NTRK1: variants seen among roughly 807,000 people sequenced by gnomAD.
The protein encoded by NTRK1 is high affinity nerve growth factor receptor.
In NTRK1, 62 loss-of-function variants were observed where a neutral mutation model predicts 86.8. That is an observed-to-expected ratio of 0.71 (90% CI 0.58 to 0.88). The LOEUF (loss-of-function observed/expected upper bound fraction) is 0.88. Among genes scored for constraint, NTRK1 ranks in the 40% least tolerant of loss-of-function variants. The pLI is 0.00. For synonymous variants in NTRK1, 469 were observed against 456.6 expected (o/e 1.03, Z -0.35); for missense variants, 967 against 1,078.4 (o/e 0.90, Z 1.45).
At position 156,860,917 on chromosome 1, in the gene NTRK1, G is replaced by C. The variant is rs537412353; in HGVS notation, c.-18G>C. The C allele has an allele frequency of 1.4e-6, 2 of 1,430,164 alleles. No individual in the cohort carries two copies. Among genetic ancestry groups the C allele is most frequent in the South Asian group, 3.0e-5 (2 of 66,156 alleles). The allele number at this position is 1,430,164 out of a possible 1,614,324, so 88.6% of individuals were successfully genotyped here. On this transcript the variant is annotated 5_prime_UTR_variant, in exon 1 of 17. Transcript: ENST00000524377. ...GCACAGACGGCTGCCCCGCCTGAGCGAGGCGGGCGCCGCCGCGATGCTGCG... is the reference window on the plus strand; with the variant it reads ...GCACAGACGGCTGCCCCGCCTGAGCCAGGCGGGCGCCGCCGCGATGCTGCG...
At chr1:156,867,018 G>A (rs914439757) in intron 4 of NTRK1, 40 bp downstream of exon 4, 1 of 1,592,080 alleles carries the variant, frequency 6.3e-7, no homozygotes. Flanking sequence ...CACCAAGTGT[G>A]TGTGTGCCTG....
chr1:156,836,217 AGTCCCCCT>A (rs1654595734), intron 1 of NTRK1, among the ~76,000 whole-genome samples: 1 of 152,152 alleles, frequency 6.6e-6, no homozygotes, highest in African/African-American at 2.4e-5. Flanking sequence ...CTGAGCAGAA[AGTCCCCCT>A]GTTGTTCACA....
At chr1:156,855,547 G>A (rs922048274) in intron 2 of NTRK1, among the ~76,000 whole-genome samples, 1 of 152,124 alleles carries the variant, frequency 6.6e-6, no homozygotes, top group South Asian at 2.1e-4. Context: ...CACTGGCTGG[G>A]TGCAGTGGCT....
At chr1:156,817,753 G>C (rs565311188) in intron 1 of NTRK1, among the ~76,000 whole-genome samples, 6 of 148,962 alleles carry the variant, frequency 4.0e-5, no homozygotes, top group Middle Eastern at 3.6e-3. Context: ...AGGGATTCTT[G>C]TGCCTCAGCC....
chr1:156,845,820 G>A (rs752068023), intron 2 of NTRK1: 1 of 1,611,362 alleles, frequency 6.2e-7, no homozygotes, highest in South Asian at 1.1e-5. Flanking sequence ...CAAGCCTGGC[G>A]CCGCAGCGGG....
Position 156,880,122 on chromosome 1 carries a change from G to A in NTRK1, c.2170G>A (p.Gly724Ser), listed in dbSNP as rs763122825. ...GGTGCTCTGGGAGATCTTCACCTAC[G>A]GCAAGCAGCCCTGGTACCAGCTCTC... ...GVVLWEIFTY[G>S]KQPWYQLSNT... Residue 724 changes from glycine to serine, a missense_variant, in exon 16 of 17, where the codon GGC (glycine) becomes AGC (serine). Gly to Ser is a moderately conservative substitution (Grantham distance 56). This residue lies in a region of NTRK1 where 637 missense variants were observed against 776.5 expected (regional missense o/e 0.82). Transcript: ENST00000524377. The A allele has an allele frequency of 3.1e-6, 5 of 1,612,850 alleles. No homozygotes were observed. The highest frequency in any genetic ancestry group is 4.5e-5 in the East Asian group (2 of 44,782).
chr1:156,846,713 C>T, intron 2 of NTRK1: 1 of 1,614,078 alleles, frequency 6.2e-7, no homozygotes, highest in Non-Finnish European at 8.5e-7. Context: ...GCTCTGGGTT[C>T]CACAAGCATC....
At chr1:156,847,555 C>A (rs1655054207) in intron 2 of NTRK1, among the ~76,000 whole-genome samples, 1 of 152,082 alleles carries the variant, frequency 6.6e-6, no homozygotes. Flanking sequence ...TCATGCTGAG[C>A]CAGGGACAAA....
intron 1 of NTRK1, chr1:156,840,720 C>G: frequency 1.5e-6 from 1 of 655,490 alleles, no homozygotes. Flanking sequence ...CTCTGCCCAC[C>G]CCCACAGCCT....
At chr1:156,857,133 C>T (rs1282973035), upstream of NTRK1, among the ~76,000 whole-genome samples, 1 of 149,216 alleles carries the variant, frequency 6.7e-6, no homozygotes, top group African/African-American at 2.5e-5. Context: ...CATTAATGGT[C>T]CTGAGCTTGG....
At chr1:156,878,989 C>T in intron 14 of NTRK1, 133 bp from the exon 15 acceptor site, 1 of 1,047,982 alleles carries the variant, frequency 9.5e-7, no homozygotes, top group Middle Eastern at 3.1e-4. Context: ...GCTGCCTCTA[C>T]TGTTCTCTCA....
chr1:156,876,381 C>T lies in NTRK1; in HGVS notation c.1633-19C>T, dbSNP rs756906899. 4 of 1,613,462 alleles carry T rather than the reference C, an allele frequency of 2.5e-6. No individual in the cohort carries two copies. The highest frequency in any genetic ancestry group is 4.5e-5 in the East Asian group (2 of 44,880). On this transcript the variant is annotated intron_variant, in intron 13 of 16. Coordinates refer to ENST00000524377, the MANE Select transcript of NTRK1 (RefSeq NM_002529.4). Reference sequence around the variant, plus strand: ...GGCTCGGCCCCCAACTCAGTCCTGTCCCTGCCGCTTCCATCCAGGCACTGA... The same window carrying T: ...GGCTCGGCCCCCAACTCAGTCCTGTTCCTGCCGCTTCCATCCAGGCACTGA...
At chr1:156,861,777 C>T (rs1655663588) in intron 1 of NTRK1, among the ~76,000 whole-genome samples, 1 of 152,186 alleles carries the variant, frequency 6.6e-6, no homozygotes, top group African/African-American at 2.4e-5. Flanking sequence ...ATCTCCCTCT[C>T]CAACCTTGTC....
chr1:156,853,781 C>A (rs772792247), intron 2 of NTRK1: 67 of 1,607,790 alleles, frequency 4.2e-5, no homozygotes, highest in Non-Finnish European at 5.4e-5. Flanking sequence ...GGTCCAGCAT[C>A]TGTAGTCAGT....
intron 2 of NTRK1, chr1:156,844,996 G>A (rs762338844): frequency 9.3e-5 from 142 of 1,528,150 alleles, no homozygotes; most frequent in Non-Finnish European, 1.2e-4. Flanking sequence ...TGGGGTTAGC[G>A]AGAAGTCAAA....
At chr1:156,874,183 C>A (rs2102907756) in intron 8 of NTRK1, 200 bp from the exon 9 acceptor site, 1 of 934,822 alleles carries the variant, frequency 1.1e-6, no homozygotes, top group Non-Finnish European at 1.7e-6. Context: ...GAGGAGACAG[C>A]CATGCAGCAG....
At chr1:156,865,172 T>TA (rs896015167) in intron 3 of NTRK1, 6 of 309,034 alleles carry the variant, frequency 1.9e-5, no homozygotes, top group African/African-American at 1.1e-4. Context: ...ACTTGGCCCC[T>TA]AGGACATCCT....
At chr1:156,853,507 C>A (rs1395043661) in intron 2 of NTRK1, among the ~76,000 whole-genome samples, 1 of 152,202 alleles carries the variant, frequency 6.6e-6, no homozygotes, top group African/African-American at 2.4e-5. Flanking sequence ...TCCCCCCATG[C>A]CCACCTTGAA....
chr1:156,840,628 C>T, intron 1 of NTRK1: 1 of 565,144 alleles, frequency 1.8e-6, no homozygotes, highest in South Asian at 2.0e-5. Flanking sequence ...TCTCCCTGAC[C>T]TGATCTCTAC....
Sources: gnomAD v4.1 joint callset for allele counts (sites outside exome capture counted in the v4.1 genomes callset) on GRCh38, gnomAD v4.1.1 for gene constraint, gnomAD v4.1.1 regional missense constraint, MANE v1.5 for transcripts, NCBI Gene and HGNC (gene_info 2026-07-23, HGNC 2026-07-21) for gene names.